Variants in TASP1 observed in about 807,000 individuals in gnomAD.
The protein encoded by TASP1 is taspase 1.
Under a neutral mutation model 56.6 loss-of-function variants are expected in TASP1, and 16 were observed. That is an observed-to-expected ratio of 0.28 (90% CI 0.19 to 0.43). The LOEUF is 0.43. Among genes scored for constraint, TASP1 ranks in the 20% least tolerant of loss-of-function variants. The probability of loss-of-function intolerance (pLI) is 1.00; values close to 1 mark genes in which losing one functional copy is unlikely to be tolerated. For missense variants in TASP1, 393 were observed against 511.6 expected (o/e 0.77, Z 2.24); for synonymous variants, 179 against 184.2 (o/e 0.97, Z 0.23).
At position 13,630,102 on chromosome 20, in the gene TASP1, T is replaced by C; in HGVS notation, c.-24A>G. ...ATTCTCCAAGATTACCATCTTCTAC[T>C]GAGAAAGGGGCATACTTCCATCCAA... On this transcript the variant is annotated 5_prime_UTR_variant, in exon 2 of 14. Transcript: ENST00000337743. 1.2e-6 allele frequency: 2 copies of C among 1,607,258 alleles called. No homozygotes were observed. Among genetic ancestry groups the C allele is most frequent in the South Asian group, 1.1e-5 (1 of 89,356 alleles).
chr20:13,120,296 G>A, the TASP1 span, among the ~76,000 whole-genome samples: 4 of 152,046 alleles, frequency 2.6e-5, no homozygotes, highest in Non-Finnish European at 5.9e-5. Context: ...TCTCAAATTC[G>A]GGGATTATTG....
the TASP1 span, among the ~76,000 whole-genome samples, chr20:13,201,371 G>T: frequency 6.6e-6 from 1 of 151,796 alleles, no homozygotes; most frequent in African/African-American, 2.4e-5. Context: ...AAATCAGCAG[G>T]GCTTGCTGTT....
At chr20:13,166,441 A>C in the TASP1 span, 21,916 of 152,230 alleles carry the variant, frequency 0.14, 1,629 homozygotes, top group East Asian at 0.21. Context: ...ATGAATGTTT[A>C]CAAGTTGTAA....
the TASP1 span, among the ~76,000 whole-genome samples, chr20:13,205,610 C>T: frequency 2.0e-5 from 3 of 152,190 alleles, no homozygotes; most frequent in Non-Finnish European, 2.9e-5. Context: ...GAGGCAAGTG[C>T]TGTCATGCCT....
chr20:13,225,854 G>A, the TASP1 span, among the ~76,000 whole-genome samples: 1 of 151,996 alleles, frequency 6.6e-6, no homozygotes, highest in African/African-American at 2.4e-5. Flanking sequence ...TTTAATTAAT[G>A]TTAATGATAA....
At chr20:13,267,582 G>C in the TASP1 span, among the ~76,000 whole-genome samples, 1 of 152,106 alleles carries the variant, frequency 6.6e-6, no homozygotes, top group African/African-American at 2.4e-5. Context: ...AGAGTTTAAG[G>C]GGTTTGCTTG....
At chr20:13,273,832 T>C in the TASP1 span, among the ~76,000 whole-genome samples, 1 of 152,142 alleles carries the variant, frequency 6.6e-6, no homozygotes, top group Non-Finnish European at 1.5e-5. Flanking sequence ...CTCTATACAA[T>C]CCCTATCGGT....
intron 10 of TASP1, among the ~76,000 whole-genome samples, chr20:13,525,084 T>C (rs1401372375): frequency 2.0e-5 from 3 of 152,182 alleles, no homozygotes; most frequent in Admixed American, 6.5e-5. Context: ...CAGTGTGTTA[T>C]ACTTTAATTG....
At chr20:13,554,422 A>G (rs1394099990) in intron 8 of TASP1, among the ~76,000 whole-genome samples, 1 of 152,216 alleles carries the variant, frequency 6.6e-6, no homozygotes. Flanking sequence ...GCTCTAATTT[A>G]TAGAGGTAGA....
chr20:13,423,092 A>G (rs1417889434), intron 12 of TASP1, among the ~76,000 whole-genome samples: 1 of 152,226 alleles, frequency 6.6e-6, no homozygotes, highest in Non-Finnish European at 1.5e-5. Context: ...AGTAGCTTTA[A>G]TCAGCAAGAA....
chr20:13,544,185 A>C (rs1168508262), intron 8 of TASP1, among the ~76,000 whole-genome samples: 1 of 152,182 alleles, frequency 6.6e-6, no homozygotes, highest in East Asian at 1.9e-4. Flanking sequence ...GTATTTCTTG[A>C]TATTGGTCCC....
the TASP1 span, among the ~76,000 whole-genome samples, chr20:13,228,139 AT>A: frequency 1.3e-5 from 2 of 151,442 alleles, no homozygotes; most frequent in East Asian, 3.9e-4. Context: ...TGCCCGGCTA[AT>A]TTTTGTATTT....
intron 13 of TASP1, among the ~76,000 whole-genome samples, chr20:13,394,010 G>A (rs1600663542): frequency 6.6e-6 from 1 of 152,156 alleles, no homozygotes; most frequent in South Asian, 2.1e-4. Flanking sequence ...GACGGGCGTG[G>A]TGGCTCACGC....
chr20:13,381,235 G>A, the TASP1 span, among the ~76,000 whole-genome samples: 2 of 152,216 alleles, frequency 1.3e-5, no homozygotes, highest in African/African-American at 4.8e-5. Context: ...CCTGGTCTGT[G>A]GGTTGCGAAG....
At chr20:13,231,509 G>C in the TASP1 span, among the ~76,000 whole-genome samples, 1 of 152,316 alleles carries the variant, frequency 6.6e-6, no homozygotes, top group South Asian at 2.1e-4. Context: ...AGGCCTCAGA[G>C]GCGTGTGGGA....
At chr20:13,388,962 T>C (rs2041184977), downstream of TASP1, among the ~76,000 whole-genome samples, 1 of 152,208 alleles carries the variant, frequency 6.6e-6, no homozygotes, top group Non-Finnish European at 1.5e-5. Context: ...CATGATTACA[T>C]GGTGCAGGGC....
At chr20:13,109,150 T>G in the TASP1 span, among the ~76,000 whole-genome samples, 1 of 152,196 alleles carries the variant, frequency 6.6e-6, no homozygotes, top group African/African-American at 2.4e-5. Context: ...AAATGACCTC[T>G]CAACCCAAGC....
chr20:13,108,539 G>T, the TASP1 span, among the ~76,000 whole-genome samples: 1 of 152,128 alleles, frequency 6.6e-6, no homozygotes, highest in African/African-American at 2.4e-5. Context: ...TGTCTGTAGT[G>T]GTCAAAACCA....
At chr20:13,519,309 T>C (rs1465295191) in intron 10 of TASP1, among the ~76,000 whole-genome samples, 1 of 151,844 alleles carries the variant, frequency 6.6e-6, no homozygotes, top group African/African-American at 2.4e-5. Context: ...AACCTGCAAA[T>C]GTACCCATGA....
Sources: gnomAD v4.1 joint callset for allele counts (sites outside exome capture counted in the v4.1 genomes callset) on GRCh38, gnomAD v4.1.1 for gene constraint, MANE v1.5 for transcripts, NCBI Gene and HGNC (gene_info 2026-07-23, HGNC 2026-07-21) for gene names.